FBLN5: variants seen among roughly 807,000 people sequenced by gnomAD.
FBLN5 encodes the protein fibulin 5.
FBLN5 carries 24 observed loss-of-function variants against 61.6 expected under a neutral mutation model. The ratio of observed to expected loss-of-function variants is 0.39; its 90% CI spans 0.28 to 0.55. The LOEUF is 0.55. FBLN5 is among the 20% of genes least tolerant of loss of function. The pLI is 0.65. For synonymous variants in FBLN5, 213 were observed against 219.8 expected, an observed-to-expected ratio of 0.97 and a Z score of 0.27; for missense variants, 470 against 594.1, an observed-to-expected ratio of 0.79 and a Z score of 2.17.
At chr14:91,929,813 G>A (rs925166617) in intron 4 of FBLN5, among the ~76,000 whole-genome samples, 1 of 152,220 alleles carries the variant, frequency 6.6e-6, no homozygotes, top group African/African-American at 2.4e-5. Flanking sequence ...GGCATCACCT[G>A]GGGGCTTATA....
chr14:91,911,600 C>G (rs975684181), intron 4 of FBLN5, among the ~76,000 whole-genome samples: 1 of 152,210 alleles, frequency 6.6e-6, no homozygotes, highest in East Asian at 1.9e-4. Flanking sequence ...GAACCTTCCA[C>G]TAGCTCCGCA....
chr14:91,928,035 C>T (rs1026825403), intron 4 of FBLN5, among the ~76,000 whole-genome samples: 7 of 152,194 alleles, frequency 4.6e-5, no homozygotes, highest in Non-Finnish European at 5.9e-5. Flanking sequence ...AACATGAGGC[C>T]AGTCAGTGCA....
At chr14:91,889,939 G>C (rs1421591451) in intron 6 of FBLN5, among the ~76,000 whole-genome samples, 6 of 152,180 alleles carry the variant, frequency 3.9e-5, no homozygotes, top group Non-Finnish European at 7.4e-5. Context: ...CTGGGGGCAC[G>C]GTGCCAGCCT....
intron 4 of FBLN5, among the ~76,000 whole-genome samples, chr14:91,934,180 C>T (rs2055974652): frequency 6.6e-6 from 1 of 152,218 alleles, no homozygotes; most frequent in Admixed American, 6.5e-5. Context: ...GCCTGGGTAA[C>T]AGCCAGACCC....
At chr14:91,935,573 T>C (rs2056000636) in intron 4 of FBLN5, among the ~76,000 whole-genome samples, 1 of 152,208 alleles carries the variant, frequency 6.6e-6, no homozygotes. Context: ...GGTCATTTCC[T>C]ATAGTTAGGA....
In FBLN5 at chr14:91,947,028, G is replaced by C; in HGVS notation, c.17+185C>G. On this transcript the variant is annotated intron_variant, in intron 1 of 10. Transcript: ENST00000342058. This position sits in a 1 kb window ranked among gnomAD's most constrained non-coding sequence, Gnocchi z 4.3. Reference sequence around the variant, plus strand: ...AGAAAATACCCACTCCCAAAAGAACGCTTCAAGATGGAAATTACAGAGGCG... The same window carrying C: ...AGAAAATACCCACTCCCAAAAGAACCCTTCAAGATGGAAATTACAGAGGCG... 6.6e-7 allele frequency: 1 copy of C among 1,523,890 alleles called. No homozygotes were observed. Among genetic ancestry groups the C allele is most frequent in the Non-Finnish European group, 8.8e-7 (1 of 1,136,654 alleles). 94.4% of individuals were successfully genotyped at this position (1,523,890 alleles called of 1,614,324 possible). A position where few individuals can be genotyped will look rare whatever the true frequency, so the allele number is the denominator to read the frequency against.
intron 4 of FBLN5, among the ~76,000 whole-genome samples, chr14:91,913,794 G>C (rs1367999638): frequency 6.6e-6 from 1 of 152,128 alleles, no homozygotes; most frequent in Non-Finnish European, 1.5e-5. Context: ...TGATGACAAC[G>C]CAATTAAGTT....
Position 91,937,098 on chromosome 14 carries a change from A to G in FBLN5, c.228T>C (p.Tyr76=). Residue 76 remains tyrosine, a synonymous_variant, in exon 4 of 11, where the codon TAT becomes TAC. Transcript: ENST00000342058. ...YLCIPRTNPV[Y]RGPYSNPYST... Reference sequence around the variant, plus strand: ...AGTAGGGGTTCGAGTAGGGCCCTCGATACACAGGGTTTGTCCGGGGAATGC... The same window carrying G: ...AGTAGGGGTTCGAGTAGGGCCCTCGGTACACAGGGTTTGTCCGGGGAATGC... The G allele has an allele frequency of 6.2e-7, 1 of 1,613,990 alleles. No individual in the cohort carries two copies. The highest frequency in any genetic ancestry group is 8.5e-7 in the Non-Finnish European group (1 of 1,179,994).
In FBLN5 at chr14:91,947,327, G is replaced by A. The variant is rs571690568; in HGVS notation, c.-98C>T. 3.7e-5 allele frequency: 51 copies of A among 1,395,202 alleles called. No individual in the cohort carries two copies. The South Asian group carries it at 5.5e-4, about 15-fold the overall frequency. The allele number at this position is 1,395,202 out of a possible 1,614,324, so 86.4% of individuals were successfully genotyped here. On this transcript the variant is annotated 5_prime_UTR_variant, in exon 1 of 11. Coordinates refer to ENST00000342058, the MANE Select transcript of FBLN5 (RefSeq NM_006329.4). This position sits in a 1 kb window ranked among gnomAD's most constrained non-coding sequence, Gnocchi z 4.3. ...GCACGTCGGCCTCCTCTGGGCCCTC[G>A]GGGCTCGCGGGTGTTTTATTCCAGA... is the stretch of plus-strand genomic sequence containing the variant.
chr14:91,877,706 G>C lies in FBLN5; in HGVS notation c.990-24C>G, dbSNP rs780782541. On this transcript the variant is annotated intron_variant, in intron 9 of 10. Coordinates refer to ENST00000342058, the MANE Select transcript of FBLN5 (RefSeq NM_006329.4). ...GGCTGTGGAAAGGGAAATCACGTGA[G>C]AACTCAAGAAATCCATTCCAGGTGC... 1.9e-6 allele frequency: 3 copies of C among 1,598,804 alleles called. No homozygotes were observed. In the African/African-American group the frequency reaches 4.0e-5, roughly 21 times the overall value.
At chr14:91,897,060 A>G (rs1890257719) in intron 4 of FBLN5, among the ~76,000 whole-genome samples, 1 of 151,722 alleles carries the variant, frequency 6.6e-6, no homozygotes, top group South Asian at 2.1e-4. Flanking sequence ...TCCCCACCCT[A>G]CCCCAAAATG....
At chr14:91,933,050 A>G (rs891785476) in intron 4 of FBLN5, among the ~76,000 whole-genome samples, 1 of 152,134 alleles carries the variant, frequency 6.6e-6, no homozygotes, top group African/African-American at 2.4e-5. Flanking sequence ...TCCAATAACT[A>G]ATGTTAGTGA....
At position 91,870,344 on chromosome 14, in the gene FBLN5, G is replaced by A. The variant is rs553398855; in HGVS notation, c.1227C>T (p.Pro409=). The A allele has an allele frequency of 9.9e-6, 16 of 1,614,184 alleles. No homozygotes were observed. The East Asian group carries it at 2.7e-4, about 27-fold the overall frequency. Residue 409 remains proline (P), a synonymous_variant, in exon 11 of 11, where the codon CCC becomes CCT. Transcript: ENST00000342058. ...PISATLVMTR[P]IKGPREIQLD... is the part of the protein sequence containing the mutation. ...GCTGGATTTCCCGGGGCCCTTTGATGGGGCGTGTCATCACCAGGGTGGCAC... is the reference window on the plus strand; with the variant it reads ...GCTGGATTTCCCGGGGCCCTTTGATAGGGCGTGTCATCACCAGGGTGGCAC...
In FBLN5 at chr14:91,935,042, A is replaced by G. The variant is rs569067479; in HGVS notation, c.379+1905T>C. ...GAAAGAACTCAGGACTTATGAATGC[A>G]TAATGCTGAACTTTTTGGAAATGGA... On this transcript the variant is annotated intron_variant, in intron 4 of 10. Coordinates refer to ENST00000342058, the MANE Select transcript of FBLN5 (RefSeq NM_006329.4). 3.9e-5 allele frequency among the ~76,000 whole-genome samples: 6 copies of G among 152,338 alleles called. No homozygotes were observed. In the South Asian group the frequency reaches 8.3e-4, roughly 21 times the overall value.
chr14:91,942,528 A>AGCCC (rs1424871669), intron 2 of FBLN5, among the ~76,000 whole-genome samples: 6 of 152,392 alleles, frequency 3.9e-5, no homozygotes, highest in Non-Finnish European at 1.5e-5. Flanking sequence ...TCTGATTAAA[A>AGCCC]ATGGATGCTG....
At chr14:91,931,929 C>T (rs2055931378) in intron 4 of FBLN5, among the ~76,000 whole-genome samples, 1 of 152,200 alleles carries the variant, frequency 6.6e-6, no homozygotes, top group African/African-American at 2.4e-5. Context: ...GGCTTCAGCA[C>T]CACACCATCC....
chr14:91,914,327 AT>A (rs1166920235), intron 4 of FBLN5, among the ~76,000 whole-genome samples: 28 of 151,992 alleles, frequency 1.8e-4, no homozygotes, highest in African/African-American at 6.5e-4. Context: ...ATACAAAAAA[AT>A]TTAGCCGAGC....
At chr14:91,896,418 T>C (rs1243018671) in intron 4 of FBLN5, among the ~76,000 whole-genome samples, 3 of 149,300 alleles carry the variant, frequency 2.0e-5, no homozygotes, top group Non-Finnish European at 3.0e-5. Context: ...CAGGGTTTGC[T>C]CATCTACACC....
chr14:91,874,476 A>G (rs766693445), intron 10 of FBLN5: 4 of 152,240 alleles, frequency 2.6e-5, no homozygotes, highest in Admixed American at 2.6e-4. Context: ...GAAGAAAAGT[A>G]TAACAGCACA....
Sources: gnomAD v4.1 joint callset for allele counts (sites outside exome capture counted in the v4.1 genomes callset) on GRCh38, gnomAD v4.1.1 for gene constraint, Gnocchi (gnomAD v3.1) non-coding constraint, MANE v1.5 for transcripts, NCBI Gene and HGNC (gene_info 2026-07-23, HGNC 2026-07-21) for gene names.